The following PTPN13 variants were observed in gnomAD, a reference collection of about 807,000 sequenced individuals.
PTPN13 encodes tyrosine-protein phosphatase non-receptor type 13.
PTPN13 carries 191 observed loss-of-function variants against 284.0 expected under a neutral mutation model. That is an observed-to-expected ratio of 0.67 (90% CI 0.60 to 0.76). PTPN13 has a LOEUF of 0.76. PTPN13 is among the 30% of genes least tolerant of loss of function. The pLI is 0.00. For synonymous variants in PTPN13, 986 were observed against 1,022.3 expected, an observed-to-expected ratio of 0.96 and a Z score of 0.68; for missense variants, 2,797 against 2,939.9, an observed-to-expected ratio of 0.95 and a Z score of 1.12.
intron 1 of PTPN13, among the ~76,000 whole-genome samples, chr4:86,618,161 C>T (rs1209553840): frequency 2.6e-5 from 4 of 151,986 alleles, no homozygotes; most frequent in Non-Finnish European, 4.4e-5. Context: ...CCAGTTTTCC[C>T]AGCACCATTT....
chr4:86,785,877 G>T lies in PTPN13; in HGVS notation c.6286G>T (p.Glu2096Ter). Residue 2096 changes from glutamate to a stop codon, truncating the protein, a stop_gained, in exon 40 of 48, where the codon GAA becomes TAA. Transcript: ENST00000411767. LOFTEE classifies it high-confidence loss of function. ...ATTAAAGATGAATGGGAAGTTATCA[G>T]AAGAGAGAACAGAAGATACAGACTG... The part of the protein sequence containing the change: ...GTLKMNGKLS[E>*]ERTEDTDCDG... The T allele has an allele frequency of 6.4e-7, 1 of 1,568,084 alleles. No individual in the cohort carries two copies.
intron 24 of PTPN13, 126 bp from the exon 25 acceptor site, chr4:86,764,467 A>G (rs1477827656): frequency 2.9e-6 from 2 of 695,630 alleles, no homozygotes; most frequent in African/African-American, 1.9e-5. Context: ...TCTTTCAGTA[A>G]TAATTCATTT....
intron 42 of PTPN13, among the ~76,000 whole-genome samples, chr4:86,800,196 G>A (rs1464426032): frequency 4.6e-5 from 7 of 152,000 alleles, no homozygotes; most frequent in Non-Finnish European, 1.0e-4. Context: ...GAATCAATTG[G>A]TCTGTTTCAC....
intron 2 of PTPN13, among the ~76,000 whole-genome samples, chr4:86,645,295 T>C (rs1238039422): frequency 2.6e-5 from 4 of 152,170 alleles, no homozygotes; most frequent in African/African-American, 9.7e-5. Context: ...TGGTAAAACA[T>C]TGACTCTTCC....
chr4:86,782,891 C>T (rs184551156), intron 37 of PTPN13, among the ~76,000 whole-genome samples: 105 of 152,180 alleles, frequency 6.9e-4, no homozygotes, highest in Admixed American at 5.4e-3. Context: ...GGCTAACATC[C>T]CTTTTTGTGG....
Position 86,775,516 on chromosome 4 carries a change from G to T in PTPN13, c.5755G>T (p.Ala1919Ser). 1 of 1,612,466 alleles carries T rather than the reference G, an allele frequency of 6.2e-7. No individual in the cohort carries two copies. The highest frequency in any genetic ancestry group is 8.5e-7 in the Non-Finnish European group (1 of 1,178,724). The change falls in exon 35 of 48, where the codon GCA (alanine) becomes TCA (serine). Residue 1919 changes from alanine to serine, a missense_variant. Physicochemically the swap from Ala to Ser is moderately conservative, Grantham distance 99. Coordinates refer to ENST00000411767, the MANE Select transcript of PTPN13 (RefSeq NM_080683.3). ...TAGTGATATTAATCCAAGGTCCGTC[G>T]CAGCCATTGAGGGTAATCTCCAGCT... Reference protein sequence around the residue: ...YISDINPRSVAAIEGNLQLLD... With the variant: ...YISDINPRSVSAIEGNLQLLD...
chr4:86,727,917 T>C (rs1200306590), intron 10 of PTPN13, among the ~76,000 whole-genome samples: 1 of 149,658 alleles, frequency 6.7e-6, no homozygotes, highest in Non-Finnish European at 1.5e-5. Flanking sequence ...AGGGTGTTGA[T>C]TTTATATCTT....
chr4:86,606,590 A>G (rs1348570980), intron 1 of PTPN13, among the ~76,000 whole-genome samples: 1 of 151,898 alleles, frequency 6.6e-6, no homozygotes. Context: ...CTATTCCTAA[A>G]AAGTTTCTAA....
chr4:86,698,446 T>C (rs1730796989), intron 6 of PTPN13, among the ~76,000 whole-genome samples: 1 of 152,180 alleles, frequency 6.6e-6, no homozygotes, highest in Non-Finnish European at 1.5e-5. Context: ...AGCATATCAA[T>C]TGGGAGTTGT....
At position 86,807,872 on chromosome 4, in the gene PTPN13, G is replaced by C. The variant is rs369530261; in HGVS notation, c.7058G>C (p.Arg2353Thr). The C allele has an allele frequency of 8.7e-6, 14 of 1,613,350 alleles. No homozygotes were observed. The African/African-American group carries it at 1.7e-4, about 20-fold the overall frequency. The change falls in exon 45 of 48, where the codon AGG becomes ACG. Residue 2353 changes from arginine to threonine, a missense_variant. Physicochemically the swap from Arg to Thr is moderately conservative, Grantham distance 71. Coordinates refer to ENST00000411767, the MANE Select transcript of PTPN13 (RefSeq NM_080683.3). Reference sequence around the variant, plus strand: ...CAGCAGCTGAAGGGCTTTGTGGTGAGGGCAATGACCCTTGAAGATATTCAG... The same window carrying C: ...CAGCAGCTGAAGGGCTTTGTGGTGACGGCAATGACCCTTGAAGATATTCAG... The part of the protein sequence containing the change: ...RMQQLKGFVV[R>T]AMTLEDIQTR...
At chr4:86,612,082 C>T (rs1358432361) in intron 1 of PTPN13, among the ~76,000 whole-genome samples, 2 of 152,148 alleles carry the variant, frequency 1.3e-5, no homozygotes, top group African/African-American at 4.8e-5. Flanking sequence ...CTGCTCTGGA[C>T]AAGTCCAACA....
intron 7 of PTPN13, among the ~76,000 whole-genome samples, chr4:86,710,601 A>G (rs1263876506): frequency 6.6e-6 from 1 of 152,222 alleles, no homozygotes; most frequent in Non-Finnish European, 1.5e-5. Flanking sequence ...TTTATATGGT[A>G]AAAGTGCTAA....
chr4:86,679,362 C>T (rs1400245737), intron 3 of PTPN13, among the ~76,000 whole-genome samples: 1 of 152,156 alleles, frequency 6.6e-6, no homozygotes, highest in Non-Finnish European at 1.5e-5. Flanking sequence ...GGAAGGGACC[C>T]TGTTTGTCCT....
intron 2 of PTPN13, among the ~76,000 whole-genome samples, chr4:86,644,811 A>G (rs528244929): frequency 7.2e-5 from 11 of 152,328 alleles, no homozygotes; most frequent in African/African-American, 2.6e-4. Flanking sequence ...ATCAATCAAT[A>G]TAATTGACCA....
At chr4:86,664,128 A>C (rs982921608) in intron 2 of PTPN13, among the ~76,000 whole-genome samples, 1 of 151,326 alleles carries the variant, frequency 6.6e-6, no homozygotes, top group African/African-American at 2.4e-5. Flanking sequence ...TGTCTCCAGA[A>C]TTCACACCAA....
At chr4:86,724,527 C>A (rs550110021) in intron 10 of PTPN13, among the ~76,000 whole-genome samples, 1 of 152,234 alleles carries the variant, frequency 6.6e-6, no homozygotes, top group South Asian at 2.1e-4. Flanking sequence ...TATTTCAAAC[C>A]AAACATTTCT....
At chr4:86,741,494 C>A in intron 15 of PTPN13, 140 bp from the exon 16 acceptor site, 1 of 680,700 alleles carries the variant, frequency 1.5e-6, no homozygotes, top group Non-Finnish European at 2.5e-6. Context: ...AGTTACCTCT[C>A]AGTGGGTCTC....
chr4:86,775,529 G>A lies in PTPN13; in HGVS notation c.5768G>A (p.Gly1923Asp), dbSNP rs1001894285. Residue 1923 changes from glycine to aspartate, a missense_variant, in exon 35 of 48, where the codon GGT becomes GAT. Gly to Asp is a moderately conservative substitution (Grantham distance 94). Transcript: ENST00000411767. ...CCAAGGTCCGTCGCAGCCATTGAGG[G>A]TAATCTCCAGCTATTAGATGTCATC... Reference protein sequence around the residue: ...INPRSVAAIEGNLQLLDVIHY... With the variant: ...INPRSVAAIEDNLQLLDVIHY... The A allele has an allele frequency of 1.9e-6, 3 of 1,613,054 alleles. No individual in the cohort carries two copies. In the African/African-American group the frequency reaches 4.0e-5, roughly 22 times the overall value.
chr4:86,686,131 G>A (rs1729426655), intron 3 of PTPN13, among the ~76,000 whole-genome samples: 1 of 152,102 alleles, frequency 6.6e-6, no homozygotes, highest in Non-Finnish European at 1.5e-5. Flanking sequence ...GGAGGCTAAG[G>A]CGGACAGATT....
Sources: allele counts gnomAD v4.1 joint callset (sites outside exome capture counted in the v4.1 genomes callset), GRCh38; gene constraint gnomAD v4.1.1; transcripts MANE v1.5; gene names NCBI Gene and HGNC (gene_info 2026-07-23, HGNC 2026-07-21).